The following SVEP1 variants were observed in gnomAD, a reference collection of about 807,000 sequenced individuals.
SVEP1 encodes the protein sushi, von Willebrand factor type A, EGF and pentraxin domain containing 1.
In SVEP1, 164 loss-of-function variants were observed where a neutral mutation model predicts 367.3. The ratio of observed to expected loss-of-function variants is 0.45; its 90% CI spans 0.39 to 0.51. The LOEUF (loss-of-function observed/expected upper bound fraction) is 0.51. Ranked by LOEUF, SVEP1 falls within the 20% of genes least tolerant of loss-of-function variation. SVEP1 has a pLI of 0.00. For missense variants in SVEP1, 4,117 were observed against 4,425.3 expected, an observed-to-expected ratio of 0.93 and a Z score of 1.98; for synonymous variants, 1,666 against 1,611.6, an observed-to-expected ratio of 1.03 and a Z score of -0.81.
rs908543453 is a variant in SVEP1, at chr9:110,579,245, C to T, written c.299G>A (p.Arg100His). ...DSSSVGEVNF[R>H]SELMFVRKLL... Reference sequence around the variant, plus strand: ...CTTGCGGACGAACATGAGCTCGCTGCGGAAGTTGACTTCGCCCACGCTGGA... The same window carrying T: ...CTTGCGGACGAACATGAGCTCGCTGTGGAAGTTGACTTCGCCCACGCTGGA... The change falls in exon 1 of 48, where the codon CGC becomes CAC. Residue 100 changes from arginine (R) to histidine (H), a missense_variant. Coordinates refer to ENST00000374469, the MANE Select transcript of SVEP1 (RefSeq NM_153366.4). The surrounding 1 kb of genome is among the most constrained non-coding windows in gnomAD (Gnocchi z 5.3). The T allele has an allele frequency of 3.2e-6, 5 of 1,570,330 alleles. No homozygotes were observed. The highest frequency in any genetic ancestry group is 1.7e-4 in the Middle Eastern group (1 of 6,016).
intron 33 of SVEP1, 100 bp from the exon 34 acceptor site, chr9:110,430,104 TTTC>T (rs878902301): frequency 7.6e-6 from 10 of 1,312,712 alleles, no homozygotes; most frequent in African/African-American, 6.0e-5. Flanking sequence ...GTTTGTTTGT[TTTC>T]TTTTTTTTTT....
intron 40 of SVEP1, 46 bp downstream of exon 40, chr9:110,400,808 T>A: frequency 6.4e-7 from 1 of 1,561,476 alleles, no homozygotes; most frequent in South Asian, 1.2e-5. Flanking sequence ...TCCCCAAGTA[T>A]ATTGGAAAAA....
intron 9 of SVEP1, among the ~76,000 whole-genome samples, chr9:110,488,209 C>T (rs1829314531): frequency 6.6e-6 from 1 of 152,028 alleles, no homozygotes; most frequent in African/African-American, 2.4e-5. Flanking sequence ...CTTTTCTGAG[C>T]TAGGAAATAA....
intron 25 of SVEP1, among the ~76,000 whole-genome samples, chr9:110,446,644 A>G (rs1828604702): frequency 6.6e-6 from 1 of 152,202 alleles, no homozygotes; most frequent in African/African-American, 2.4e-5. Flanking sequence ...AAATAAGTAG[A>G]ACATGAAGAG....
chr9:110,429,845 T>A, intron 34 of SVEP1, 75 bp downstream of exon 34: 1 of 1,260,536 alleles, frequency 7.9e-7, no homozygotes, highest in Non-Finnish European at 1.1e-6. Context: ...TCCCACCCCC[T>A]TTCTTTCAGT....
Position 110,432,609 on chromosome 9 carries a change from A to G in SVEP1, c.5086T>C (p.Leu1696=), listed in dbSNP as rs1240585400. 1 of 1,613,212 alleles carries G rather than the reference A, an allele frequency of 6.2e-7. No homozygotes were observed. Among genetic ancestry groups the G allele is most frequent in the Non-Finnish European group, 8.5e-7 (1 of 1,179,590 alleles). The change falls in exon 31 of 48, where the codon TTG becomes CTG. Residue 1696 remains leucine, a synonymous_variant. Transcript: ENST00000374469. ...TCGGCTGAATGGAAGCCATTCTCCA[A>G]AGGAGGTGGCACCCCACAGCTAATG... ...ERISCGVPPP[L]ENGFHSADDF...
Position 110,366,398 on chromosome 9 carries a change from A to G in SVEP1, c.*141T>C. ...GAATAACAAAATATATCACAAAATA[A>G]AAAAAGTAACCCCAAGTAACAAGTT... is the stretch of plus-strand genomic sequence containing the variant. On this transcript the variant is annotated 3_prime_UTR_variant, in exon 48 of 48. Transcript: ENST00000374469. 1 of 764,830 alleles carries G rather than the reference A, an allele frequency of 1.3e-6. No homozygotes were observed. The highest frequency in any genetic ancestry group is 3.7e-5 in the Admixed American group (1 of 26,880). The allele number at this position is 764,830 out of a possible 1,614,324, so 47.4% of individuals were successfully genotyped here. A position where few individuals can be genotyped will look rare whatever the true frequency, so the allele number is the denominator to read the frequency against.
intron 35 of SVEP1, 39 bp from the exon 36 acceptor site, chr9:110,427,797 G>A (rs1828278361): frequency 6.3e-7 from 1 of 1,584,052 alleles, no homozygotes; most frequent in Non-Finnish European, 8.6e-7. Context: ...ATTGGCTATG[G>A]ATTTGCTGCT....
chr9:110,444,364 TC>T (rs143698265), intron 26 of SVEP1, among the ~76,000 whole-genome samples: 22,676 of 152,078 alleles, frequency 0.15, 2,256 homozygotes, highest in East Asian at 0.43. Flanking sequence ...AAGTAGGGCC[TC>T]CCCAGACACT....
At chr9:110,400,752 T>C (rs1564131327) in intron 40 of SVEP1, 102 bp downstream of exon 40, 2 of 1,260,220 alleles carry the variant, frequency 1.6e-6, no homozygotes, top group Non-Finnish European at 2.1e-6. Flanking sequence ...ATAGAATCTT[T>C]TGAGACCAAA....
chr9:110,411,845 TTAAAA>T, intron 36 of SVEP1, 110 bp from the exon 37 acceptor site: 2 of 1,041,680 alleles, frequency 1.9e-6, no homozygotes, highest in Non-Finnish European at 2.7e-6. Context: ...AAATTTATCT[TTAAAA>T]TAATATTTCC....
Position 110,579,103 on chromosome 9 carries a change from C to A in SVEP1, c.441G>T (p.Gln147His), listed in dbSNP as rs1370638266. ...CTTGGAGGAGCAGCGCGCACTTGTG[C>A]TGGCGCGCGCGGCGGGTGGAGATGT... is the stretch of plus-strand genomic sequence containing the variant. ...VDYISTRRAR[Q>H]HKCALLLQEI... Residue 147 changes from glutamine to histidine, a missense_variant, in exon 1 of 48, where the codon CAG becomes CAT. Around this residue, in one of 4 missense-constraint regions of SVEP1, gnomAD observed 2,174 missense variants for 2,494.3 expected, o/e 0.87. Transcript: ENST00000374469. The surrounding 1 kb of genome is among the most constrained non-coding windows in gnomAD (Gnocchi z 5.3). The A allele has an allele frequency of 6.4e-7, 1 of 1,553,342 alleles. No individual in the cohort carries two copies. The highest frequency in any genetic ancestry group is 8.7e-7 in the Non-Finnish European group (1 of 1,148,678).
chr9:110,391,779 G>A (rs144146863), intron 40 of SVEP1, among the ~76,000 whole-genome samples: 178 of 152,172 alleles, frequency 1.2e-3, no homozygotes, highest in African/African-American at 4.2e-3. Flanking sequence ...CTTAAACACT[G>A]CTTCTGGATG....
In SVEP1 at chr9:110,457,305, G is replaced by A; in HGVS notation, c.3624C>T (p.Cys1208=). Residue 1208 remains cysteine (C), a synonymous_variant, in exon 21 of 48, where the codon TGC becomes TGT. Coordinates refer to ENST00000374469, the MANE Select transcript of SVEP1 (RefSeq NM_153366.4). ...AAACATAACCACGCCCAAGTTGCTG[G>A]CAGGTTCCACTATTGTGGCAAGGGT... is the stretch of plus-strand genomic sequence containing the variant. ...FFNPCHNSGT[C]QQLGRGYVCL... 3.1e-6 allele frequency: 5 copies of A among 1,612,644 alleles called. No individual in the cohort carries two copies. Among genetic ancestry groups the A allele is most frequent in the Non-Finnish European group, 4.2e-6 (5 of 1,179,610 alleles).
At chr9:110,427,489 G>C (rs1445392232) in intron 36 of SVEP1, 102 bp downstream of exon 36, 1 of 1,383,942 alleles carries the variant, frequency 7.2e-7, no homozygotes, top group African/African-American at 1.4e-5. Context: ...GTCTTTGGCT[G>C]CCAGGAAATT....
intron 24 of SVEP1, among the ~76,000 whole-genome samples, chr9:110,448,152 CGTGTGTGTGT>C (rs369931491): frequency 3.6e-5 from 5 of 138,754 alleles, no homozygotes; most frequent in African/African-American, 1.3e-4. Flanking sequence ...TGTGTGTGCG[CGTGTGTGTGT>C]GCGCGCGCTC....
intron 5 of SVEP1, among the ~76,000 whole-genome samples, chr9:110,511,114 T>C (rs759564250): frequency 2.0e-4 from 30 of 152,280 alleles, no homozygotes; most frequent in Non-Finnish European, 3.5e-4. Context: ...ATGGACACAG[T>C]TTTCTGTTTT....
intron 44 of SVEP1, among the ~76,000 whole-genome samples, chr9:110,378,123 TAATC>T (rs1261303359): frequency 6.7e-6 from 1 of 149,744 alleles, no homozygotes; most frequent in Non-Finnish European, 1.5e-5. Context: ...TCTATCTTCT[TAATC>T]ATCATCATCA....
intron 33 of SVEP1, 73 bp from the exon 34 acceptor site, chr9:110,430,077 G>T: frequency 6.8e-7 from 1 of 1,462,598 alleles, no homozygotes; most frequent in Non-Finnish European, 9.3e-7. Context: ...TCAAGGGGCA[G>T]CTCAAGATCT....
Sources: gnomAD v4.1 joint callset for allele counts (sites outside exome capture counted in the v4.1 genomes callset) on GRCh38, gnomAD v4.1.1 for gene constraint, gnomAD v4.1.1 regional missense constraint, Gnocchi (gnomAD v3.1) non-coding constraint, MANE v1.5 for transcripts, NCBI Gene and HGNC (gene_info 2026-07-23, HGNC 2026-07-21) for gene names.